CSMD1: variants seen among roughly 807,000 people sequenced by gnomAD.
CSMD1 encodes CUB and sushi domain-containing protein 1.
Under a neutral mutation model 417.5 loss-of-function variants are expected in CSMD1, and 213 were observed. That is an observed-to-expected ratio of 0.51 (90% CI 0.46 to 0.57). The LOEUF (loss-of-function observed/expected upper bound fraction) is 0.57. CSMD1 is among the 20% of genes least tolerant of loss of function. The probability of loss-of-function intolerance (pLI) is 0.00; values close to 1 mark genes in which losing one functional copy is unlikely to be tolerated. For synonymous variants in CSMD1, 2,862 were observed against 1,736.8 expected, an observed-to-expected ratio of 1.65 and a Z score of -16.11; for missense variants, 6,923 against 4,529.7, an observed-to-expected ratio of 1.53 and a Z score of -15.17.
intron 1 of CSMD1, among the ~76,000 whole-genome samples, chr8:4,939,443 A>G (rs1807834467): frequency 1.3e-5 from 2 of 152,212 alleles, no homozygotes; most frequent in Non-Finnish European, 2.9e-5. Context: ...TAATCTATAT[A>G]CCTAATGGAG....
intron 3 of CSMD1, among the ~76,000 whole-genome samples, chr8:4,348,462 G>A (rs957462216): frequency 2.0e-5 from 3 of 152,144 alleles, no homozygotes; most frequent in East Asian, 3.9e-4. Context: ...ATCATTTGCT[G>A]AAGTATCTTC....
intron 2 of CSMD1, among the ~76,000 whole-genome samples, chr8:4,540,779 G>C (rs1337377268): frequency 6.6e-6 from 1 of 152,104 alleles, no homozygotes; most frequent in African/African-American, 2.4e-5. Flanking sequence ...TCCCGGACCA[G>C]TGAGGTACCT....
At chr8:3,662,498 A>T (rs11997503) in intron 7 of CSMD1, among the ~76,000 whole-genome samples, 1 of 152,310 alleles carries the variant, frequency 6.6e-6, no homozygotes, top group South Asian at 2.1e-4. Flanking sequence ...TGCAATAAAC[A>T]TATGTGTGCA....
chr8:3,651,076 A>T (rs1434110535), intron 7 of CSMD1, among the ~76,000 whole-genome samples: 2 of 152,206 alleles, frequency 1.3e-5, no homozygotes, highest in African/African-American at 2.4e-5. Flanking sequence ...TCCATATTCA[A>T]GATTCGTGCA....
chr8:3,156,744 T>C (rs886664741), intron 39 of CSMD1, among the ~76,000 whole-genome samples: 1 of 152,100 alleles, frequency 6.6e-6, no homozygotes, highest in Non-Finnish European at 1.5e-5. Flanking sequence ...GTACTGCCGA[T>C]GTTTCCTTTT....
intron 12 of CSMD1, among the ~76,000 whole-genome samples, chr8:3,465,756 G>T (rs191656185): frequency 6.6e-6 from 1 of 152,264 alleles, no homozygotes; most frequent in East Asian, 1.9e-4. Flanking sequence ...ACTTTCTTAG[G>T]ATGGAGTCTC....
intron 3 of CSMD1, among the ~76,000 whole-genome samples, chr8:4,235,502 A>G (rs577761141): frequency 6.6e-6 from 1 of 152,200 alleles, no homozygotes; most frequent in African/African-American, 2.4e-5. Context: ...TTTAGAAAAC[A>G]AATCTTCTAA....
At chr8:4,421,075 G>T (rs756811861) in intron 2 of CSMD1, among the ~76,000 whole-genome samples, 1 of 151,928 alleles carries the variant, frequency 6.6e-6, no homozygotes, top group African/African-American at 2.4e-5. Context: ...TTTCCCATTG[G>T]ATGCCAATCC....
intron 27 of CSMD1, among the ~76,000 whole-genome samples, chr8:3,226,185 G>C (rs779308037): frequency 2.0e-5 from 3 of 152,172 alleles, no homozygotes; most frequent in Non-Finnish European, 4.4e-5. Context: ...GCAAACCTAG[G>C]ATACATTTTG....
At chr8:4,183,331 A>G (rs2131184467) in intron 3 of CSMD1, among the ~76,000 whole-genome samples, 1 of 152,312 alleles carries the variant, frequency 6.6e-6, no homozygotes. Context: ...TAATTTATTC[A>G]TGTCTGATGA....
intron 3 of CSMD1, among the ~76,000 whole-genome samples, chr8:4,147,948 G>A (rs184443869): frequency 6.6e-6 from 1 of 152,078 alleles, no homozygotes; most frequent in Non-Finnish European, 1.5e-5. Flanking sequence ...GCACCAGGTA[G>A]AAACCCACAG....
chr8:3,224,956 T>G (rs373114885), intron 27 of CSMD1, among the ~76,000 whole-genome samples: 2 of 152,244 alleles, frequency 1.3e-5, no homozygotes, highest in Non-Finnish European at 2.9e-5. Context: ...CCAAGTTGTT[T>G]TAAAGCGTGA....
intron 3 of CSMD1, among the ~76,000 whole-genome samples, chr8:4,358,705 T>G (rs1227587791): frequency 1.3e-5 from 2 of 152,212 alleles, no homozygotes; most frequent in African/African-American, 2.4e-5. Flanking sequence ...AACCAGGTAT[T>G]TGTAGCTTAA....
At position 4,680,581 on chromosome 8, in the gene CSMD1, G is replaced by C. The variant is rs76845820; in HGVS notation, c.86-43023C>G. ...TAGGGGGCCACCACATTCTAAGATA[G>C]TTTTTGTGTTTGTTTTTGTGACAGA... On this transcript the variant is annotated intron_variant, in intron 1 of 69. Transcript: ENST00000635120. Among the ~76,000 whole-genome samples the C allele has an allele frequency of 6.4e-3, 975 of 151,758 alleles. 5 individuals are homozygous for C. Among genetic ancestry groups the C allele is most frequent in the Non-Finnish European group, 0.01 (689 of 67,682 alleles).
chr8:3,306,362 TG>T (rs1322890502), intron 25 of CSMD1, among the ~76,000 whole-genome samples: 1 of 152,190 alleles, frequency 6.6e-6, no homozygotes, highest in Non-Finnish European at 1.5e-5. Context: ...TTAGTGGTGA[TG>T]GAGTTTTGCC....
At chr8:3,491,272 T>A (rs1475850321) in intron 11 of CSMD1, among the ~76,000 whole-genome samples, 1 of 152,184 alleles carries the variant, frequency 6.6e-6, no homozygotes, top group Non-Finnish European at 1.5e-5. Context: ...TGCCTCAATG[T>A]ACACTAGGTT....
chr8:3,357,173 G>A (rs1475943851), intron 21 of CSMD1, among the ~76,000 whole-genome samples: 1 of 152,156 alleles, frequency 6.6e-6, no homozygotes, highest in African/African-American at 2.4e-5. Flanking sequence ...TGCACCAGAG[G>A]GGCTGGAGGA....
intron 2 of CSMD1, among the ~76,000 whole-genome samples, chr8:4,633,085 A>C (rs1455701932): frequency 1.3e-5 from 2 of 152,164 alleles, no homozygotes; most frequent in African/African-American, 4.8e-5. Flanking sequence ...CAGATGTGTC[A>C]GTGTTCCCGA....
intron 2 of CSMD1, among the ~76,000 whole-genome samples, chr8:4,634,009 A>AC (rs1802690919): frequency 6.6e-6 from 1 of 151,794 alleles, no homozygotes; most frequent in South Asian, 2.1e-4. Flanking sequence ...AAAAAAAAAA[A>AC]ACAATGAAGA....
Sources: gnomAD v4.1 joint callset for allele counts (sites outside exome capture counted in the v4.1 genomes callset) on GRCh38, gnomAD v4.1.1 for gene constraint, MANE v1.5 for transcripts, NCBI Gene and HGNC (gene_info 2026-07-23, HGNC 2026-07-21) for gene names.